Variants in PARD3B observed in about 807,000 individuals in gnomAD.
The protein encoded by PARD3B is partitioning defective 3 homolog B.
A neutral mutation model predicts 130.2 loss-of-function variants in PARD3B; 103 were observed. That is an observed-to-expected ratio of 0.79 (90% CI 0.67 to 0.93). The LOEUF (loss-of-function observed/expected upper bound fraction) is 0.93, where lower values mean the gene tolerates loss of function less well. Among genes scored for constraint, PARD3B ranks in the 40% least tolerant of loss-of-function variants. The pLI is 0.00. For synonymous variants in PARD3B, 583 were observed against 553.2 expected (o/e 1.05, Z -0.76); for missense variants, 1,609 against 1,499.2 (o/e 1.07, Z -1.21).
intron 1 of PARD3B, among the ~76,000 whole-genome samples, chr2:204,578,944 G>C (rs1297891418): frequency 6.6e-6 from 1 of 152,026 alleles, no homozygotes; most frequent in Non-Finnish European, 1.5e-5. Context: ...GTATGGAAGA[G>C]ATGATTCCTC....
intron 2 of PARD3B, among the ~76,000 whole-genome samples, chr2:204,789,281 T>A (rs1004870953): frequency 6.6e-6 from 1 of 152,128 alleles, no homozygotes; most frequent in Non-Finnish European, 1.5e-5. Flanking sequence ...GAAATCCTGG[T>A]TTCAGGTGAT....
rs1443311545 is a variant in PARD3B at position 205,461,045 on chromosome 2, T to C, written c.3044+20373T>C. On this transcript the variant is annotated intron_variant, in intron 20 of 22. Transcript: ENST00000406610. This position sits in a 1 kb window ranked among gnomAD's most constrained non-coding sequence, Gnocchi z 4.3. The stretch of plus-strand genomic sequence containing the variant: ...TGAATCTCCATTCAACAGATATTTA[T>C]TGAGTGAGATTTAGACACAGTCCTT... Among the ~76,000 whole-genome samples the C allele has an allele frequency of 6.6e-6, 1 of 152,154 alleles. No individual in the cohort carries two copies. The highest frequency in any genetic ancestry group is 1.5e-5 in the Non-Finnish European group (1 of 68,024).
At chr2:204,952,136 G>A (rs1272105334) in intron 2 of PARD3B, among the ~76,000 whole-genome samples, 2 of 152,112 alleles carry the variant, frequency 1.3e-5, no homozygotes, top group Non-Finnish European at 2.9e-5. Context: ...GATTTACCCC[G>A]TGCTAGTAAT....
At chr2:205,127,479 A>G (rs531990463) in intron 10 of PARD3B, among the ~76,000 whole-genome samples, 2 of 152,320 alleles carry the variant, frequency 1.3e-5, no homozygotes, top group Admixed American at 6.5e-5. Context: ...AACAGTAAGG[A>G]TTAGTTGACA....
intron 4 of PARD3B, among the ~76,000 whole-genome samples, chr2:205,056,817 A>G (rs1262461882): frequency 2.0e-5 from 3 of 151,904 alleles, no homozygotes; most frequent in Non-Finnish European, 4.4e-5. Flanking sequence ...TGATTTACTT[A>G]AAGAAATTGT....
In PARD3B at chr2:205,325,421, T is replaced by C. The variant is rs2042904991; in HGVS notation, c.2630+23720T>C. 6.6e-6 allele frequency among the ~76,000 whole-genome samples: 1 copy of C among 152,204 alleles called. No homozygotes were observed. Among genetic ancestry groups the C allele is most frequent in the Non-Finnish European group, 1.5e-5 (1 of 68,040 alleles). Reference sequence around the variant, plus strand: ...TAACCCCGTGGTCAACTCTTAGTGATGCTTAAATGCTGGGTTCAAGGGTTC... The same window carrying C: ...TAACCCCGTGGTCAACTCTTAGTGACGCTTAAATGCTGGGTTCAAGGGTTC... On this transcript the variant is annotated intron_variant, in intron 18 of 22. Coordinates refer to ENST00000406610, the MANE Select transcript of PARD3B (RefSeq NM_001302769.2). This position sits in a 1 kb window ranked among gnomAD's most constrained non-coding sequence, Gnocchi z 4.1.
intron 18 of PARD3B, among the ~76,000 whole-genome samples, chr2:205,311,623 G>A (rs1205372409): frequency 2.0e-5 from 3 of 152,096 alleles, no homozygotes; most frequent in Non-Finnish European, 4.4e-5. Context: ...CTGCTGTTTT[G>A]TAATGTAGTT....
chr2:205,234,637 C>A (rs2038982612), intron 15 of PARD3B, among the ~76,000 whole-genome samples: 1 of 151,926 alleles, frequency 6.6e-6, no homozygotes, highest in Non-Finnish European at 1.5e-5. Flanking sequence ...AACAAGTATA[C>A]CAAAAAATCA....
chr2:204,892,177 A>G (rs2046473400), intron 2 of PARD3B, among the ~76,000 whole-genome samples: 1 of 152,146 alleles, frequency 6.6e-6, no homozygotes, highest in Admixed American at 6.5e-5. Context: ...GGTGCAATCA[A>G]GGTGGGGAGA....
rs1024832866 is a variant in PARD3B at position 205,269,672 on chromosome 2, A to C, written c.2185+23850A>C. On this transcript the variant is annotated intron_variant, in intron 16 of 22. Transcript: ENST00000406610. The surrounding 1 kb of genome is among the most constrained non-coding windows in gnomAD (Gnocchi z 4.7). ...CCCACTGAACTGGAATAGTCATTTT[A>C]GCTGTCAGAAATATTTCTTTTCCTA... is the stretch of plus-strand genomic sequence containing the variant. 1.3e-5 allele frequency among the ~76,000 whole-genome samples: 2 copies of C among 152,224 alleles called. No individual in the cohort carries two copies. Among genetic ancestry groups the C allele is most frequent in the Non-Finnish European group, 2.9e-5 (2 of 68,036 alleles).
Position 205,301,347 on chromosome 2 carries a change from G to T in PARD3B, c.2393-117G>T. On this transcript the variant is annotated intron_variant, in intron 17 of 22. Coordinates refer to ENST00000406610, the MANE Select transcript of PARD3B (RefSeq NM_001302769.2). The surrounding 1 kb of genome is among the most constrained non-coding windows in gnomAD (Gnocchi z 5.2). ...AAAGGGCGCACGTAACCACATAGAA[G>T]GGTAGAACTACAGAGTGCTGTTATT... 10 of 1,492,570 alleles carry T rather than the reference G, an allele frequency of 6.7e-6. No homozygotes were observed. The highest frequency in any genetic ancestry group is 8.9e-6 in the Non-Finnish European group (10 of 1,117,834). The allele number at this position is 1,492,570 out of a possible 1,614,324, so 92.5% of individuals were successfully genotyped here. A position where few individuals can be genotyped will look rare whatever the true frequency, so the allele number is the denominator to read the frequency against.
intron 3 of PARD3B, among the ~76,000 whole-genome samples, chr2:205,033,006 T>C (rs969773077): frequency 2.0e-5 from 3 of 152,216 alleles, no homozygotes; most frequent in Non-Finnish European, 4.4e-5. Context: ...CCTGAAGGCA[T>C]TGCTCATTTC....
chr2:205,617,383 G>A lies in PARD3B; in HGVS notation c.*1570G>A, dbSNP rs919474189. 3.3e-5 allele frequency: 5 copies of A among 151,526 alleles called. No homozygotes were observed. Among genetic ancestry groups the A allele is most frequent in the African/African-American group, 1.2e-4 (5 of 41,218 alleles). 9.4% of individuals were successfully genotyped at this position (151,526 alleles called of 1,614,324 possible). A position where few individuals can be genotyped will look rare whatever the true frequency, so the allele number is the denominator to read the frequency against. ...CTTGAGTTTAATTTAGGTCTATTTT[G>A]GCTGAGATTAGCATACCTCTGACTC... On this transcript the variant is annotated 3_prime_UTR_variant, in exon 23 of 23. Coordinates refer to ENST00000406610, the MANE Select transcript of PARD3B (RefSeq NM_001302769.2).
intron 3 of PARD3B, among the ~76,000 whole-genome samples, chr2:204,990,661 A>T (rs550745274): frequency 6.6e-6 from 1 of 151,980 alleles, no homozygotes; most frequent in Non-Finnish European, 1.5e-5. Flanking sequence ...GTATGCTACA[A>T]ATATCTTGCC....
chr2:205,130,004 G>T (rs2031849491), intron 10 of PARD3B, among the ~76,000 whole-genome samples: 1 of 152,118 alleles, frequency 6.6e-6, no homozygotes, highest in Admixed American at 6.5e-5. Flanking sequence ...CTTTCCATCT[G>T]GGGCAGACCG....
Position 205,311,029 on chromosome 2 carries a change from T to C in PARD3B, c.2630+9328T>C, listed in dbSNP as rs138986034. Among the ~76,000 whole-genome samples the C allele has an allele frequency of 3.9e-3, 598 of 152,304 alleles. 4 individuals carry two copies. The highest frequency in any genetic ancestry group is 4.1e-3 in the Non-Finnish European group (280 of 68,008). On this transcript the variant is annotated intron_variant, in intron 18 of 22. Coordinates refer to ENST00000406610, the MANE Select transcript of PARD3B (RefSeq NM_001302769.2). ...GAGCCACCATGCCCAGCTGGCTGAA[T>C]AGTATTTCGTTGTGTGTTTATACCA...
chr2:205,242,776 A>G (rs1011682771), intron 15 of PARD3B, among the ~76,000 whole-genome samples: 2 of 152,224 alleles, frequency 1.3e-5, no homozygotes, highest in South Asian at 2.1e-4. Flanking sequence ...TGTGTCTGGA[A>G]CTGTGCAAAG....
At chr2:205,524,296 C>CTCATCACCTTACATCTGAAGATTT (rs2051235173) in intron 21 of PARD3B, among the ~76,000 whole-genome samples, 1 of 152,098 alleles carries the variant, frequency 6.6e-6, no homozygotes, top group Non-Finnish European at 1.5e-5. Flanking sequence ...CTCCTTGATT[C>CTCATCACCTTACATCTGAAGATTT]TCATCACCTT....
chr2:205,044,208 T>A (rs1365192898), intron 3 of PARD3B, among the ~76,000 whole-genome samples: 3 of 151,280 alleles, frequency 2.0e-5, no homozygotes, highest in Non-Finnish European at 4.4e-5. Flanking sequence ...TCTATCATTG[T>A]TGGACATTTG....
Sources: allele counts gnomAD v4.1 joint callset (sites outside exome capture counted in the v4.1 genomes callset), GRCh38; gene constraint gnomAD v4.1.1; non-coding constraint Gnocchi (gnomAD v3.1); transcripts MANE v1.5; gene names NCBI Gene and HGNC (gene_info 2026-07-23, HGNC 2026-07-21).